KIF4A: variants seen among roughly 807,000 people sequenced by gnomAD.
The protein encoded by KIF4A is kinesin family member 4A, also known as chromosome-associated kinesin KIF4A.
In KIF4A, 7 loss-of-function variants were observed where a neutral mutation model predicts 105.9. That is an observed-to-expected ratio of 0.07 (90% confidence interval 0.04 to 0.12). KIF4A has a LOEUF of 0.12. KIF4A is among the 10% of genes least tolerant of loss of function. KIF4A has a pLI of 1.00. For missense variants in KIF4A, 558 were observed against 929.2 expected (o/e 0.60, Z 5.19); for synonymous variants, 281 against 331.3 (o/e 0.85, Z 1.65).
intron 3 of KIF4A, 101 bp downstream of exon 3, chrX:70,290,906 A>G: frequency 3.7e-6 from 2 of 536,387 alleles, no homozygotes; most frequent in South Asian, 6.0e-5. Context: ...GAATCGATGA[A>G]TCATGATTCC....
intron 15 of KIF4A, among the ~76,000 whole-genome samples, chrX:70,365,723 G>A (rs1391145961): frequency 9.0e-6 from 1 of 111,371 alleles, no homozygotes; most frequent in Non-Finnish European, 1.9e-5. Context: ...TTGTGTCTCT[G>A]TCAGGCTTTG....
At chrX:70,366,145 CTTT>C (rs1371325374) in intron 15 of KIF4A, among the ~76,000 whole-genome samples, 2 of 111,300 alleles carry the variant, frequency 1.8e-5, no homozygotes, top group African/African-American at 3.3e-5. Flanking sequence ...CTCTTTTCTT[CTTT>C]ATTAGTCTTG....
intron 18 of KIF4A, 34 bp from the exon 19 acceptor site, chrX:70,386,584 A>C (rs1344038829): frequency 9.4e-7 from 1 of 1,059,317 alleles, no homozygotes; most frequent in African/African-American, 1.8e-5. Context: ...TAGCTAGCTG[A>C]ACAGCAATTA....
intron 7 of KIF4A, among the ~76,000 whole-genome samples, chrX:70,311,100 G>A (rs1483280600): frequency 7.4e-5 from 8 of 107,676 alleles, no homozygotes; most frequent in Non-Finnish European, 1.3e-4. Flanking sequence ...ACTCCAGCCT[G>A]GGTGACAGAG....
intron 7 of KIF4A, among the ~76,000 whole-genome samples, chrX:70,304,267 A>G (rs1414934280): frequency 2.9e-5 from 3 of 103,153 alleles, no homozygotes; most frequent in Admixed American, 2.1e-4. Flanking sequence ...AAGGACATGA[A>G]CTCATCATTT....
intron 15 of KIF4A, among the ~76,000 whole-genome samples, chrX:70,372,655 G>A (rs965233344): frequency 3.0e-4 from 34 of 112,500 alleles, no homozygotes; most frequent in African/African-American, 6.1e-4. Context: ...GAGGGAGACC[G>A]TGGGGAGAGG....
At chrX:70,374,966 C>T (rs867972549) in intron 16 of KIF4A, among the ~76,000 whole-genome samples, 6 of 111,952 alleles carry the variant, frequency 5.4e-5, no homozygotes, top group African/African-American at 1.6e-4. Context: ...GCAAAAGGGG[C>T]GGCGTATATT....
chrX:70,367,577 C>T (rs1233365663), intron 15 of KIF4A, among the ~76,000 whole-genome samples: 13 of 111,798 alleles, frequency 1.2e-4, no homozygotes, highest in African/African-American at 4.2e-4. Flanking sequence ...TGAATATTGG[C>T]CCCCACTCTC....
At chrX:70,393,682 C>T (rs1236517024) in intron 20 of KIF4A, among the ~76,000 whole-genome samples, 1 of 107,958 alleles carries the variant, frequency 9.3e-6, no homozygotes, top group Non-Finnish European at 1.9e-5. Flanking sequence ...ATTACTGTAG[C>T]CCCTCCAACT....
At position 70,313,515 on chromosome X, in the gene KIF4A, A is replaced by G. The variant is rs200656054; in HGVS notation, c.778+11117A>G. The stretch of plus-strand genomic sequence containing the variant: ...CTGTCATATCACTGACTATTAGTCT[A>G]TGGTCCTACTCCTGCTCCTGTACCA... On this transcript the variant is annotated intron_variant, in intron 7 of 30. Coordinates refer to ENST00000374403, the MANE Select transcript of KIF4A (RefSeq NM_012310.5). Among the ~76,000 whole-genome samples the G allele has an allele frequency of 6.3e-5, 7 of 111,812 alleles. No homozygotes were observed. The East Asian group carries it at 2.0e-3, about 31-fold the overall frequency.
intron 7 of KIF4A, 112 bp from the exon 8 acceptor site, chrX:70,329,293 T>C: frequency 1.4e-6 from 1 of 718,045 alleles, no homozygotes; most frequent in East Asian, 3.3e-5. Context: ...TTCTCAAGAT[T>C]GATGACTCGA....
chrX:70,349,948 C>T (rs1431222174), intron 13 of KIF4A, among the ~76,000 whole-genome samples: 2 of 59,308 alleles, frequency 3.4e-5, no homozygotes, highest in East Asian at 7.0e-4. Context: ...CGGGCAGAGG[C>T]GCTCCTCAGT....
chrX:70,394,330 A>C (rs1226150932), intron 20 of KIF4A, among the ~76,000 whole-genome samples: 1 of 109,119 alleles, frequency 9.2e-6, no homozygotes, highest in Non-Finnish European at 1.9e-5. Flanking sequence ...CAGTCTCCCG[A>C]CTAGCTGAGA....
At chrX:70,413,506 C>T (rs1339712073) in intron 28 of KIF4A, among the ~76,000 whole-genome samples, 1 of 110,099 alleles carries the variant, frequency 9.1e-6, no homozygotes, top group African/African-American at 3.3e-5. Flanking sequence ...TGATGGCGCA[C>T]GCCTGTAATC....
At chrX:70,307,555 A>G (rs770336165) in intron 7 of KIF4A, among the ~76,000 whole-genome samples, 1 of 112,046 alleles carries the variant, frequency 8.9e-6, no homozygotes, top group South Asian at 3.8e-4. Context: ...AAAAGCATTC[A>G]GTCTTTGTTC....
intron 28 of KIF4A, among the ~76,000 whole-genome samples, chrX:70,412,428 T>A (rs1842670936): frequency 9.0e-6 from 1 of 111,401 alleles, no homozygotes; most frequent in Non-Finnish European, 1.9e-5. Flanking sequence ...GAAACATGGA[T>A]GAGGTAACAG....
chrX:70,379,383 T>A (rs2086188228), intron 18 of KIF4A, among the ~76,000 whole-genome samples: 1 of 110,774 alleles, frequency 9.0e-6, no homozygotes, highest in African/African-American at 3.3e-5. Context: ...AAATAGAAAA[T>A]CTGTATAGAC....
intron 15 of KIF4A, among the ~76,000 whole-genome samples, chrX:70,362,659 G>A (rs1254513457): frequency 9.0e-6 from 1 of 111,072 alleles, no homozygotes; most frequent in Non-Finnish European, 1.9e-5. Context: ...AGCCTCCTGA[G>A]TAGCTGGGAT....
intron 11 of KIF4A, among the ~76,000 whole-genome samples, chrX:70,342,890 C>T (rs2085977775): frequency 8.9e-6 from 1 of 112,417 alleles, no homozygotes; most frequent in African/African-American, 3.2e-5. Context: ...ACTCATCCGA[C>T]CTTTATAAGG....
Sources: gnomAD v4.1 joint callset for allele counts (sites outside exome capture counted in the v4.1 genomes callset) on GRCh38, gnomAD v4.1.1 for gene constraint, MANE v1.5 for transcripts, NCBI Gene and HGNC (gene_info 2026-07-23, HGNC 2026-07-21) for gene names.